Variants in SLC9C1 observed in about 807,000 individuals in gnomAD.
SLC9C1 encodes sodium/hydrogen exchanger 10.
SLC9C1 carries 97 observed loss-of-function variants against 140.9 expected under a neutral mutation model. The observed-to-expected ratio is 0.69, with a 90% CI of 0.58 to 0.82. The LOEUF (loss-of-function observed/expected upper bound fraction) is 0.82. SLC9C1 is among the 40% of genes least tolerant of loss of function. SLC9C1 has a pLI of 0.00. For synonymous variants in SLC9C1, 440 were observed against 442.6 expected (o/e 0.99, Z 0.07); for missense variants, 1,340 against 1,389.3 (o/e 0.96, Z 0.56).
intron 1 of SLC9C1, among the ~76,000 whole-genome samples, chr3:112,291,524 A>G (rs192615111): frequency 3.6e-4 from 55 of 152,354 alleles, no homozygotes; most frequent in African/African-American, 1.2e-3. Context: ...AAAGCTTAAC[A>G]TCACTGATCA....
intron 15 of SLC9C1, among the ~76,000 whole-genome samples, 182 bp downstream of exon 15, chr3:112,217,260 C>T (rs1007254638): frequency 2.3e-4 from 35 of 152,130 alleles, no homozygotes; most frequent in Non-Finnish European, 3.8e-4. Context: ...ATGTAAATGA[C>T]GAGTTAATGA....
intron 28 of SLC9C1, among the ~76,000 whole-genome samples, chr3:112,150,815 CATAT>C (rs1443781925): frequency 1.5e-4 from 3 of 20,122 alleles, no homozygotes; most frequent in African/African-American, 5.8e-4. Context: ...TATATAAATA[CATAT>C]ACATATATAT....
At chr3:112,188,979 G>A (rs879533556) in intron 20 of SLC9C1, among the ~76,000 whole-genome samples, 2 of 152,222 alleles carry the variant, frequency 1.3e-5, no homozygotes, top group Non-Finnish European at 2.9e-5. Flanking sequence ...TTTCTCTGAT[G>A]ACTAGTGATG....
chr3:112,206,901 G>A (rs1020507495), intron 16 of SLC9C1, among the ~76,000 whole-genome samples: 3 of 152,058 alleles, frequency 2.0e-5, no homozygotes, highest in Non-Finnish European at 2.9e-5. Flanking sequence ...TGTAAATGAC[G>A]AGTTAATGGG....
rs749004401 is a variant in SLC9C1, at chr3:112,286,762, GA to G, written c.29del (p.Phe10SerfsTer11). MAGIFKEFF[F>X]STEDLPEVIL... ...TGACTTCAGGGAGGTCCTCAGTACT[GA>G]AAAAAAACTCCTTAAATATTCCAGC... is the stretch of plus-strand genomic sequence containing the variant. On this transcript the variant is annotated frameshift_variant, in exon 2 of 29. Coordinates refer to ENST00000305815, the MANE Select transcript of SLC9C1 (RefSeq NM_183061.3). LOFTEE classifies it high-confidence loss of function. The G allele has an allele frequency of 6.2e-6, 10 of 1,609,780 alleles. No homozygotes were observed. The highest frequency in any genetic ancestry group is 3.3e-5 in the South Asian group (3 of 90,178).
At chr3:112,262,208 TG>T (rs2079792404) in intron 10 of SLC9C1, among the ~76,000 whole-genome samples, 1 of 152,036 alleles carries the variant, frequency 6.6e-6, no homozygotes, top group Non-Finnish European at 1.5e-5. Context: ...CTTGAATATT[TG>T]GGCTTGTAGA....
intron 10 of SLC9C1, among the ~76,000 whole-genome samples, chr3:112,258,609 T>C (rs1041834851): frequency 2.0e-5 from 3 of 151,988 alleles, no homozygotes; most frequent in African/African-American, 7.2e-5. Flanking sequence ...TTTGTATTTT[T>C]ATTTTTAGTT....
intron 10 of SLC9C1, among the ~76,000 whole-genome samples, chr3:112,257,890 GCAGA>G (rs1395297078): frequency 6.6e-6 from 1 of 152,070 alleles, no homozygotes; most frequent in Non-Finnish European, 1.5e-5. Flanking sequence ...AAGGACATGA[GCAGA>G]CAGTTTTCAA....
At chr3:112,263,139 T>G (rs1448083392) in intron 9 of SLC9C1, 41 bp from the exon 10 acceptor site, 4 of 1,501,942 alleles carry the variant, frequency 2.7e-6, no homozygotes, top group Non-Finnish European at 3.6e-6. Flanking sequence ...TTCTTTCATA[T>G]GAGTTTCTTT....
intron 12 of SLC9C1, among the ~76,000 whole-genome samples, chr3:112,233,376 T>C (rs2078887713): frequency 6.6e-6 from 1 of 152,154 alleles, no homozygotes; most frequent in Non-Finnish European, 1.5e-5. Flanking sequence ...TATGATGTCT[T>C]TTAAAGGGAG....
chr3:112,167,178 G>A, intron 26 of SLC9C1, 43 bp downstream of exon 26: 1 of 1,594,394 alleles, frequency 6.3e-7, no homozygotes, highest in South Asian at 1.1e-5. Flanking sequence ...ATTTTATAAA[G>A]GGAAAGTAAG....
intron 20 of SLC9C1, among the ~76,000 whole-genome samples, chr3:112,193,930 G>A (rs1429360531): frequency 1.3e-5 from 2 of 152,076 alleles, no homozygotes; most frequent in East Asian, 3.9e-4. Flanking sequence ...TCACACAACT[G>A]GGTTTGTGGC....
intron 7 of SLC9C1, among the ~76,000 whole-genome samples, chr3:112,268,018 G>A (rs1476267017): frequency 6.6e-6 from 1 of 151,978 alleles, no homozygotes; most frequent in Non-Finnish European, 1.5e-5. Context: ...ATTCTGTCTT[G>A]GCAGGTTTCT....
At chr3:112,170,257 G>A (rs919137189) in intron 23 of SLC9C1, among the ~76,000 whole-genome samples, 1 of 152,156 alleles carries the variant, frequency 6.6e-6, no homozygotes, top group Non-Finnish European at 1.5e-5. Context: ...GAATATATTT[G>A]CAAACTATGC....
chr3:112,263,054 C>A lies in SLC9C1; in HGVS notation c.1067G>T (p.Gly356Val), dbSNP rs1313263030. ...TATCCAGCGCCAACTGAACTCATGA[C>A]CAACTCGAGACAAAACAGGGCTTAT... ...LLISPVLSRV[G>V]HEFSWRWIFI... Residue 356 changes from glycine to valine, a missense_variant, in exon 10 of 29, where the codon GGT becomes GTT. Physicochemically the swap from Gly to Val is moderately radical, Grantham distance 109. Coordinates refer to ENST00000305815, the MANE Select transcript of SLC9C1 (RefSeq NM_183061.3). 1 of 1,596,376 alleles carries A rather than the reference C, an allele frequency of 6.3e-7. No individual in the cohort carries two copies. Among genetic ancestry groups the A allele is most frequent in the Non-Finnish European group, 8.5e-7 (1 of 1,173,128 alleles).
intron 1 of SLC9C1, among the ~76,000 whole-genome samples, chr3:112,287,219 T>A (rs1008755969): frequency 4.6e-5 from 7 of 152,242 alleles, no homozygotes; most frequent in Non-Finnish European, 4.4e-5. Flanking sequence ...GCAGGTTACT[T>A]AGCTCTGTGG....
chr3:112,151,601 T>C (rs1310516075), intron 28 of SLC9C1: 6 of 523,202 alleles, frequency 1.1e-5, no homozygotes, highest in African/African-American at 5.7e-5. Context: ...CAGTGTTGCA[T>C]GTGAGATTAA....
intron 14 of SLC9C1, among the ~76,000 whole-genome samples, chr3:112,217,968 G>T (rs1307177911): frequency 1.3e-5 from 2 of 152,108 alleles, no homozygotes; most frequent in Admixed American, 1.3e-4. Context: ...ATGTTAGGCT[G>T]GGATAATTAA....
In SLC9C1 at chr3:112,264,308, A is replaced by G; in HGVS notation, c.914T>C (p.Met305Thr). 1 of 1,484,632 alleles carries G rather than the reference A, an allele frequency of 6.7e-7. No homozygotes were observed. Among genetic ancestry groups the G allele is most frequent in the Non-Finnish European group, 8.9e-7 (1 of 1,118,814 alleles). The allele number at this position is 1,484,632 out of a possible 1,614,324, so 92.0% of individuals were successfully genotyped here. A position where few individuals can be genotyped will look rare whatever the true frequency, so the allele number is the denominator to read the frequency against. The change falls in exon 9 of 29, where the codon ATG (methionine) becomes ACG (threonine). Residue 305 changes from methionine to threonine, a missense_variant. Met to Thr is a moderately conservative substitution (Grantham distance 81). Coordinates refer to ENST00000305815, the MANE Select transcript of SLC9C1 (RefSeq NM_183061.3). ...WTFLSRIAFL[M>T]VFTFFGLLIP... ...TAGAAGTCCAAAGAAAGTAAACACC[A>G]TGAGAAAAGCAATACGTGATAGAAA...
Sources: allele counts gnomAD v4.1 joint callset (sites outside exome capture counted in the v4.1 genomes callset), GRCh38; gene constraint gnomAD v4.1.1; transcripts MANE v1.5; gene names NCBI Gene and HGNC (gene_info 2026-07-23, HGNC 2026-07-21).